The following TNN variants were observed in gnomAD, a reference collection of about 807,000 sequenced individuals.
TNN encodes tenascin N.
A neutral mutation model predicts 134.4 loss-of-function variants in TNN; 122 were observed. The observed-to-expected ratio is 0.91, with a 90% CI of 0.78 to 1.06. The LOEUF (loss-of-function observed/expected upper bound fraction) is 1.06, where lower values mean the gene tolerates loss of function less well. Among genes scored for constraint, TNN ranks in the 50% least tolerant of loss-of-function variants. TNN has a pLI of 0.00. For missense variants in TNN, 1,739 were observed against 1,699.4 expected (o/e 1.02, Z -0.41); for synonymous variants, 710 against 670.3 (o/e 1.06, Z -0.91).
At chr1:175,115,012 C>T (rs1321997649) in intron 9 of TNN, among the ~76,000 whole-genome samples, 1 of 152,050 alleles carries the variant, frequency 6.6e-6, no homozygotes, top group Non-Finnish European at 1.5e-5. Flanking sequence ...TGACTCTACT[C>T]CCTGGGAGAA....
chr1:175,106,673 G>A (rs1020773601), intron 9 of TNN, among the ~76,000 whole-genome samples: 1 of 146,354 alleles, frequency 6.8e-6, no homozygotes, highest in Non-Finnish European at 1.5e-5. Flanking sequence ...GGATAGATAG[G>A]CGAGTGTCGC....
chr1:175,135,739 C>A, intron 15 of TNN, 106 bp from the exon 16 acceptor site: 1 of 814,972 alleles, frequency 1.2e-6, no homozygotes, highest in Non-Finnish European at 2.1e-6. Flanking sequence ...GAAAGGCTTG[C>A]TAGCTGGAGG....
intron 11 of TNN, among the ~76,000 whole-genome samples, chr1:175,122,949 C>G (rs909125548): frequency 2.6e-5 from 4 of 152,154 alleles, no homozygotes; most frequent in African/African-American, 9.7e-5. Flanking sequence ...CATAAGATGT[C>G]AACAGGAACT....
intron 16 of TNN, 41 bp from the exon 17 acceptor site, chr1:175,136,780 A>T (rs763916887): frequency 3.1e-6 from 5 of 1,596,154 alleles, no homozygotes; most frequent in Middle Eastern, 1.7e-4. Flanking sequence ...ACTCGCACAC[A>T]TGGGTTGATT....
At chr1:175,068,748 A>G (rs1438844211) in intron 1 of TNN, among the ~76,000 whole-genome samples, 3 of 152,166 alleles carry the variant, frequency 2.0e-5, no homozygotes, top group African/African-American at 7.2e-5. Context: ...CTCTACTAAA[A>G]ATACAAAAAA....
In TNN at chr1:175,097,340, T is replaced by G; in HGVS notation, c.1589-77T>G. ...CTCTGACATTTGTTGAGGTTATCAC[T>G]TTGACTGTGTTCGTGCTGTCTTTAT... On this transcript the variant is annotated intron_variant, in intron 7 of 18. Transcript: ENST00000239462. 2 of 1,564,160 alleles carry G rather than the reference T, an allele frequency of 1.3e-6. 1 individual carries two copies. The highest frequency in any genetic ancestry group is 1.7e-6 in the Non-Finnish European group (2 of 1,147,334).
chr1:175,128,098 C>T lies in TNN; in HGVS notation c.3112C>T (p.Pro1038Ser), dbSNP rs1392267312. The part of the protein sequence containing the change: ...LQGLEQGATY[P>S]VSLVAFKGGR... ...AGGCCTTGAGCAAGGCGCCACCTAC[C>T]CTGTCTCCCTTGTTGCCTTTAAGGG... Residue 1038 changes from proline (P) to serine (S), a missense_variant, in exon 14 of 19, where the codon CCT becomes TCT. Pro to Ser is a moderately conservative substitution (Grantham distance 74, BLOSUM62 -1). Coordinates refer to ENST00000239462, the MANE Select transcript of TNN (RefSeq NM_022093.2). 6 of 1,613,842 alleles carry T rather than the reference C, an allele frequency of 3.7e-6. No individual in the cohort carries two copies. The highest frequency in any genetic ancestry group is 2.7e-5 in the African/African-American group (2 of 74,910).
chr1:175,074,568 A>C (rs916906611), intron 1 of TNN, among the ~76,000 whole-genome samples: 1 of 151,504 alleles, frequency 6.6e-6, no homozygotes, highest in Non-Finnish European at 1.5e-5. Flanking sequence ...GAAGTGTCCC[A>C]TTGACTATTC....
chr1:175,118,571 C>T lies in TNN; in HGVS notation c.2397C>T (p.Ser799=). The part of the protein sequence containing the change: ...ADTKAQTDID[S]PQNLVTDWVT... ...CATTTTTTTTTTCAGACATTGACAG[C>T]CCCCAAAACCTGGTCACTGACTGGG... Residue 799 remains serine, a synonymous_variant, in exon 11 of 19, where the codon AGC becomes AGT. Coordinates refer to ENST00000239462, the MANE Select transcript of TNN (RefSeq NM_022093.2). 4 of 1,613,312 alleles carry T rather than the reference C, an allele frequency of 2.5e-6. No individual in the cohort carries two copies. The highest frequency in any genetic ancestry group is 1.3e-5 in the African/African-American group (1 of 74,974).
intron 4 of TNN, 145 bp downstream of exon 4, chr1:175,080,571 T>G (rs1448706713): frequency 4.0e-6 from 4 of 1,012,180 alleles, no homozygotes; most frequent in Non-Finnish European, 5.7e-6. Flanking sequence ...AGAGTCCCAG[T>G]TCTCTCTCTT....
chr1:175,123,695 T>G, intron 12 of TNN, 32 bp downstream of exon 12: 1 of 1,612,344 alleles, frequency 6.2e-7, no homozygotes, highest in Non-Finnish European at 8.5e-7. Context: ...GGGGAACACC[T>G]CACACTTATC....
intron 1 of TNN, among the ~76,000 whole-genome samples, chr1:175,075,487 G>A (rs1240802737): frequency 6.6e-6 from 1 of 152,162 alleles, no homozygotes; most frequent in Admixed American, 6.5e-5. Flanking sequence ...AGTAGAGAAA[G>A]GTTTCACCAT....
chr1:175,082,166 G>C (rs1374435808), intron 4 of TNN, among the ~76,000 whole-genome samples: 3 of 152,138 alleles, frequency 2.0e-5, no homozygotes, highest in African/African-American at 7.2e-5. Context: ...TCCCCATTTT[G>C]TCTGTGGCTG....
At chr1:175,112,201 A>G (rs1675045381) in intron 9 of TNN, among the ~76,000 whole-genome samples, 1 of 151,570 alleles carries the variant, frequency 6.6e-6, no homozygotes, top group Non-Finnish European at 1.5e-5. Context: ...TTATCATGAA[A>G]CGTTGTTGAA....
At chr1:175,144,001 T>C (rs1279569412) in intron 17 of TNN, among the ~76,000 whole-genome samples, 1 of 151,874 alleles carries the variant, frequency 6.6e-6, no homozygotes, top group African/African-American at 2.4e-5. Context: ...GGCTCCAGGT[T>C]CCAGGTCTGG....
chr1:175,087,373 G>A (rs907360614), intron 6 of TNN, among the ~76,000 whole-genome samples: 4 of 152,174 alleles, frequency 2.6e-5, no homozygotes, highest in Non-Finnish European at 5.9e-5. Flanking sequence ...CTCAGGATAA[G>A]GTGAACGTGG....
intron 18 of TNN, among the ~76,000 whole-genome samples, chr1:175,145,092 C>T (rs933556298): frequency 2.0e-5 from 3 of 152,092 alleles, no homozygotes; most frequent in African/African-American, 7.2e-5. Context: ...GAGGGCTCCA[C>T]CTCATGGTCT....
In TNN at chr1:175,073,069, C is replaced by T. The variant is rs566706251; in HGVS notation, c.-35-4315C>T. ...GTCTGCTTTTTCAGCCCTATTTTTG[C>T]CCAGGAAGAAGATTTTTGGACAGTG... On this transcript the variant is annotated intron_variant, in intron 1 of 18. Coordinates refer to ENST00000239462, the MANE Select transcript of TNN (RefSeq NM_022093.2). 2.5e-3 allele frequency among the ~76,000 whole-genome samples: 374 copies of T among 151,568 alleles called. 3 individuals are homozygous for T. Among genetic ancestry groups the T allele is most frequent in the African/African-American group, 8.7e-3 (360 of 41,284 alleles).
intron 10 of TNN, 76 bp from the exon 11 acceptor site, chr1:175,118,485 C>A: frequency 6.4e-7 from 1 of 1,558,564 alleles, no homozygotes; most frequent in South Asian, 1.2e-5. Flanking sequence ...GGGTTTCACC[C>A]CACGCAAAAT....
Sources: allele counts gnomAD v4.1 joint callset (sites outside exome capture counted in the v4.1 genomes callset), GRCh38; gene constraint gnomAD v4.1.1; transcripts MANE v1.5; gene names NCBI Gene and HGNC (gene_info 2026-07-23, HGNC 2026-07-21).